Variants in LAMA1 observed in about 807,000 individuals in gnomAD.
The protein encoded by LAMA1 is laminin subunit alpha-1.
A neutral mutation model predicts 348.7 loss-of-function variants in LAMA1; 219 were observed. The observed-to-expected ratio is 0.63, with a 90% CI of 0.56 to 0.70. The LOEUF (loss-of-function observed/expected upper bound fraction) is 0.70, where lower values mean the gene tolerates loss of function less well. Among genes scored for constraint, LAMA1 ranks in the 30% least tolerant of loss-of-function variants. The pLI is 0.00. For missense variants in LAMA1, 3,744 were observed against 3,888.0 expected (o/e 0.96, Z 0.99); for synonymous variants, 1,487 against 1,491.0 (o/e 1.00, Z 0.06).
In LAMA1 at chr18:7,002,295, GA is replaced by G; in HGVS notation, c.4350del (p.Leu1451CysfsTer98). 6.2e-7 allele frequency: 1 copy of G among 1,613,174 alleles called. No homozygotes were observed. Among genetic ancestry groups the G allele is most frequent in the Non-Finnish European group, 8.5e-7 (1 of 1,179,988 alleles). Reference sequence around the variant, plus strand: ...GGAGGGCTGTGAGGACAGGCACACAGAGCACAGTCACTTGCTGAGCCAGTCA... The same window carrying G: ...GGAGGGCTGTGAGGACAGGCACACAGGCACAGTCACTTGCTGAGCCAGTCA... ...GKVTGSASDC[A>X]LCACPHSPPA... On this transcript the variant is annotated frameshift_variant, in exon 30 of 63. Coordinates refer to ENST00000389658, the MANE Select transcript of LAMA1 (RefSeq NM_005559.4). LOFTEE classifies it high-confidence loss of function.
At chr18:7,051,789 G>A (rs967700915) in intron 3 of LAMA1, among the ~76,000 whole-genome samples, 5 of 152,316 alleles carry the variant, frequency 3.3e-5, no homozygotes, top group Admixed American at 3.3e-4. Flanking sequence ...TGCTGGGGAG[G>A]ATGTGGAGCA....
rs746579719 is a variant in LAMA1 at position 7,087,188 on chromosome 18, C to A, written c.62-6731G>T. Among the ~76,000 whole-genome samples the A allele has an allele frequency of 1.2e-4, 19 of 152,176 alleles. 1 individual carries two copies. Among genetic ancestry groups the A allele is most frequent in the Non-Finnish European group, 2.5e-4 (17 of 68,038 alleles). On this transcript the variant is annotated intron_variant, in intron 1 of 62. Transcript: ENST00000389658. ...TCATAATAAGTGGGAATTTTGGTAGCAGTAACAAGTCCTGGTTGAGGTATT... is the reference window on the plus strand; with the variant it reads ...TCATAATAAGTGGGAATTTTGGTAGAAGTAACAAGTCCTGGTTGAGGTATT...
chr18:7,044,118 G>A (rs760354117), intron 7 of LAMA1, among the ~76,000 whole-genome samples: 15 of 141,996 alleles, frequency 1.1e-4, no homozygotes, highest in African/African-American at 1.6e-4. Flanking sequence ...AGCCGAGATC[G>A]CGCCACTGCA....
At chr18:7,085,678 A>G (rs1245512263) in intron 1 of LAMA1, among the ~76,000 whole-genome samples, 3 of 151,992 alleles carry the variant, frequency 2.0e-5, no homozygotes, top group East Asian at 1.9e-4. Flanking sequence ...TCAGCCTCCC[A>G]AAGTGCTGGG....
rs757926544 is a variant in LAMA1, at chr18:6,958,525, A to G, written c.7916T>C (p.Met2639Thr). 1 of 1,614,090 alleles carries G rather than the reference A, an allele frequency of 6.2e-7. No homozygotes were observed. The highest frequency in any genetic ancestry group is 8.5e-7 in the Non-Finnish European group (1 of 1,179,956). Reference sequence around the variant, plus strand: ...GATACAGCCATGGAACGATCTTCTCATTGTGAGCAGTGACGTCCCCTCTCC... The same window carrying G: ...GATACAGCCATGGAACGATCTTCTCGTTGTGAGCAGTGACGTCCCCTCTCC... The part of the protein sequence containing the change: ...PEGEGTSLLT[M>T]RRSFHGCIKN... Residue 2639 changes from methionine (M) to threonine (T), a missense_variant, in exon 55 of 63, where the codon ATG becomes ACG. Around this residue, in one of 3 missense-constraint regions of LAMA1, gnomAD observed 1,983 missense variants for 1,934.3 expected, o/e 1.03. Transcript: ENST00000389658.
chr18:6,977,618 T>C, intron 44 of LAMA1, 109 bp downstream of exon 44: 2 of 1,296,658 alleles, frequency 1.5e-6, no homozygotes, highest in Non-Finnish European at 2.2e-6. Flanking sequence ...TCTGGGTCTT[T>C]GGAAGCCCTA....
chr18:7,088,113 G>GC (rs1388213964), intron 1 of LAMA1, among the ~76,000 whole-genome samples: 1 of 152,122 alleles, frequency 6.6e-6, no homozygotes, highest in African/African-American at 2.4e-5. Flanking sequence ...AATACTCTTA[G>GC]CCCAGAAAAA....
At chr18:6,993,874 ATAGAG>A (rs1166252845) in intron 34 of LAMA1, 122 bp from the exon 35 acceptor site, 10 of 726,960 alleles carry the variant, frequency 1.4e-5, no homozygotes, top group African/African-American at 3.4e-5. Flanking sequence ...ATTCCAGAAT[ATAGAG>A]TAAAGATGAG....
In LAMA1 at chr18:7,107,799, G is replaced by A. The variant is rs533300256; in HGVS notation, c.61+9861C>T. The stretch of plus-strand genomic sequence containing the variant: ...GGAGGCTGAGGCGGGCAGATCACGA[G>A]GTCAGGAGATTGAGACCGTCCTGGC... On this transcript the variant is annotated intron_variant, in intron 1 of 62. Transcript: ENST00000389658. Among the ~76,000 whole-genome samples, 23 of 152,024 alleles carry A rather than the reference G, an allele frequency of 1.5e-4. No homozygotes were observed. In the East Asian group the frequency reaches 4.3e-3, roughly 28 times the overall value.
At chr18:6,985,915 C>A (rs1358111828) in intron 37 of LAMA1, among the ~76,000 whole-genome samples, 1 of 152,080 alleles carries the variant, frequency 6.6e-6, no homozygotes, top group Non-Finnish European at 1.5e-5. Flanking sequence ...CATGCCACCA[C>A]GCCCAGCTAA....
At chr18:7,022,862 C>G (rs2057924270) in intron 19 of LAMA1, among the ~76,000 whole-genome samples, 1 of 152,218 alleles carries the variant, frequency 6.6e-6, no homozygotes, top group Non-Finnish European at 1.5e-5. Flanking sequence ...TCCCCACTTT[C>G]ATTTCAGTCA....
At position 6,986,229 on chromosome 18, in the gene LAMA1, C is replaced by T. The variant is rs1246632318; in HGVS notation, c.5287G>A (p.Ala1763Thr). Reference protein sequence around the residue: ...VLSKHNNELKAAEALVREAEA... With the variant: ...VLSKHNNELKTAEALVREAEA... Reference sequence around the variant, plus strand: ...GCTTCCCTCACGAGCGCCTCAGCCGCCTTTAGTTCATTGTTGTGCTTTGAA... The same window carrying T: ...GCTTCCCTCACGAGCGCCTCAGCCGTCTTTAGTTCATTGTTGTGCTTTGAA... The change falls in exon 37 of 63, where the codon GCG (alanine) becomes ACG (threonine). Residue 1763 changes from alanine (A) to threonine (T), a missense_variant. Around this residue, in one of 3 missense-constraint regions of LAMA1, gnomAD observed 1,983 missense variants for 1,934.3 expected, o/e 1.03. Coordinates refer to ENST00000389658, the MANE Select transcript of LAMA1 (RefSeq NM_005559.4). The T allele has an allele frequency of 6.2e-7, 1 of 1,614,076 alleles. No individual in the cohort carries two copies. Among genetic ancestry groups the T allele is most frequent in the Non-Finnish European group, 8.5e-7 (1 of 1,180,052 alleles).
At chr18:7,042,881 C>CA (rs1454273893) in intron 8 of LAMA1, 2 of 250,440 alleles carry the variant, frequency 8.0e-6, no homozygotes, top group African/African-American at 2.4e-5. Context: ...GACTCCGTCT[C>CA]AAAAAATAAA....
chr18:7,034,622 G>A lies in LAMA1; in HGVS notation c.1908C>T (p.Asn636=), dbSNP rs535493591. The A allele has an allele frequency of 7.4e-6, 12 of 1,614,122 alleles. No homozygotes were observed. Among genetic ancestry groups the A allele is most frequent in the African/African-American group, 4.0e-5 (3 of 75,026 alleles). The stretch of plus-strand genomic sequence containing the variant: ...AGTTTTCAGGCACAAGTCTAACCAC[G>A]TTTAGGTACTCTTCATAAGGCTGCA... ...LSLQPYEEYL[N]VVRLVPENFQ... The change falls in exon 14 of 63, where the codon AAC becomes AAT. Residue 636 remains asparagine (N), a synonymous_variant. Coordinates refer to ENST00000389658, the MANE Select transcript of LAMA1 (RefSeq NM_005559.4).
intron 60 of LAMA1, 138 bp from the exon 61 acceptor site, chr18:6,947,434 C>T: frequency 2.1e-6 from 2 of 959,656 alleles, no homozygotes; most frequent in Non-Finnish European, 3.2e-6. Context: ...CAGCAGGTCA[C>T]TCCTGCCCTC....
intron 57 of LAMA1, among the ~76,000 whole-genome samples, chr18:6,953,168 G>A (rs1422581370): frequency 6.6e-6 from 1 of 151,976 alleles, no homozygotes; most frequent in African/African-American, 2.4e-5. Context: ...GTCTGCCTGT[G>A]TCCAGCGGAT....
At position 6,997,763 on chromosome 18, in the gene LAMA1, T is replaced by G. The variant is rs1273478352; in HGVS notation, c.4785A>C (p.Glu1595Asp). 1.2e-6 allele frequency: 2 copies of G among 1,613,994 alleles called. No individual in the cohort carries two copies. The highest frequency in any genetic ancestry group is 3.3e-5 in the Admixed American group (2 of 60,018). The change falls in exon 33 of 63, where the codon GAA (glutamate) becomes GAC (aspartate). Residue 1595 changes from glutamate (E) to aspartate (D), a missense_variant. By Grantham distance (45) the Glu-to-Asp change is conservative (BLOSUM62 2). Around this residue, in one of 3 missense-constraint regions of LAMA1, gnomAD observed 1,983 missense variants for 1,934.3 expected, o/e 1.03. Transcript: ENST00000389658. ...CTACCTGGAGATATTTAGTTGTATT[T>G]TCCAGGTTTGACAAAATTCCATATG... Reference protein sequence around the residue: ...PVPYGILSNLENTTKYLQESL... With the variant: ...PVPYGILSNLDNTTKYLQESL...
rs979415292 is a variant in LAMA1, at chr18:6,973,039, G to A, written c.6774+18C>T. On this transcript the variant is annotated intron_variant, in intron 47 of 62. Coordinates refer to ENST00000389658, the MANE Select transcript of LAMA1 (RefSeq NM_005559.4). Reference sequence around the variant, plus strand: ...ATCAGTCAATCAGTCCTGTTCAGAAGAACTTTCGTAATGTTACCTTGATTT... The same window carrying A: ...ATCAGTCAATCAGTCCTGTTCAGAAAAACTTTCGTAATGTTACCTTGATTT... The A allele has an allele frequency of 1.2e-6, 2 of 1,613,778 alleles. No homozygotes were observed. The highest frequency in any genetic ancestry group is 4.5e-5 in the East Asian group (2 of 44,870).
At chr18:7,082,877 A>G (rs1439137518) in intron 1 of LAMA1, among the ~76,000 whole-genome samples, 1 of 151,574 alleles carries the variant, frequency 6.6e-6, no homozygotes. Context: ...CCAGTTAACG[A>G]ATGTTCCCAC....
Sources: gnomAD v4.1 joint callset for allele counts (sites outside exome capture counted in the v4.1 genomes callset) on GRCh38, gnomAD v4.1.1 for gene constraint, gnomAD v4.1.1 regional missense constraint, MANE v1.5 for transcripts, NCBI Gene and HGNC (gene_info 2026-07-23, HGNC 2026-07-21) for gene names.